The following STK32B variants were observed in gnomAD, a reference collection of about 807,000 sequenced individuals.
STK32B encodes serine/threonine-protein kinase 32B.
Under a neutral mutation model 52.6 loss-of-function variants are expected in STK32B, and 43 were observed. The ratio of observed to expected loss-of-function variants is 0.82; its 90% CI spans 0.64 to 1.05. The LOEUF (loss-of-function observed/expected upper bound fraction) is 1.05, where lower values mean the gene tolerates loss of function less well. STK32B is among the 50% of genes least tolerant of loss of function. The probability of loss-of-function intolerance (pLI) is 0.00; values close to 1 mark genes in which losing one functional copy is unlikely to be tolerated. For missense variants in STK32B, 621 were observed against 534.6 expected, an observed-to-expected ratio of 1.16 and a Z score of -1.59; for synonymous variants, 238 against 204.3, an observed-to-expected ratio of 1.17 and a Z score of -1.41.
At chr4:5,045,067 C>T in the STK32B span, among the ~76,000 whole-genome samples, 1 of 152,238 alleles carries the variant, frequency 6.6e-6, no homozygotes, top group Non-Finnish European at 1.5e-5. Flanking sequence ...TGCCTTGCCT[C>T]AGTCTACTCT....
At chr4:5,424,648 A>G (rs923646449) in intron 6 of STK32B, among the ~76,000 whole-genome samples, 5 of 152,218 alleles carry the variant, frequency 3.3e-5, no homozygotes, top group Non-Finnish European at 7.3e-5. Flanking sequence ...TGAGAGCTGT[A>G]CTGTAGCTCA....
At chr4:5,206,156 T>A (rs1414681192) in intron 3 of STK32B, among the ~76,000 whole-genome samples, 9 of 152,166 alleles carry the variant, frequency 5.9e-5, no homozygotes, top group Admixed American at 5.9e-4. Context: ...CATAGTCAAA[T>A]ATCTTTCTAT....
intron 4 of STK32B, among the ~76,000 whole-genome samples, chr4:5,381,617 C>G (rs1735938441): frequency 6.6e-6 from 1 of 152,220 alleles, no homozygotes; most frequent in African/African-American, 2.4e-5. Flanking sequence ...CTGTTTACTT[C>G]TTGCCTTCGC....
At chr4:5,235,817 T>C (rs953925343) in intron 3 of STK32B, among the ~76,000 whole-genome samples, 1 of 152,154 alleles carries the variant, frequency 6.6e-6, no homozygotes, top group Non-Finnish European at 1.5e-5. Flanking sequence ...TTTCTCCTCC[T>C]GAAAGTGGGG....
chr4:5,064,245 A>G (rs1300565398), intron 1 of STK32B, among the ~76,000 whole-genome samples: 2 of 128,644 alleles, frequency 1.6e-5, no homozygotes, highest in Non-Finnish European at 3.5e-5. Flanking sequence ...TTTATACACA[A>G]TATATAATAT....
At chr4:5,255,967 CAG>C (rs1726266666) in intron 3 of STK32B, among the ~76,000 whole-genome samples, 1 of 152,132 alleles carries the variant, frequency 6.6e-6, no homozygotes, top group African/African-American at 2.4e-5. Flanking sequence ...GTGACACACA[CAG>C]AGCCCGTAGC....
intron 1 of STK32B, among the ~76,000 whole-genome samples, chr4:5,128,810 A>G (rs73089694): frequency 0.025 from 3,741 of 152,306 alleles, 155 homozygotes; most frequent in African/African-American, 0.083. Context: ...GGCTCAGGAT[A>G]TGAATGTGAA....
intron 6 of STK32B, among the ~76,000 whole-genome samples, chr4:5,439,024 C>A (rs1469116375): frequency 6.6e-6 from 1 of 151,258 alleles, no homozygotes; most frequent in South Asian, 2.1e-4. Flanking sequence ...TGGGTTGGTT[C>A]CAAGTCTTTG....
At chr4:5,484,465 T>C (rs1196565205) in intron 11 of STK32B, among the ~76,000 whole-genome samples, 1 of 152,176 alleles carries the variant, frequency 6.6e-6, no homozygotes, top group African/African-American at 2.4e-5. Flanking sequence ...ATCCCTTTAT[T>C]TTGAGCCTAT....
At chr4:5,175,799 T>C (rs552558123) in intron 3 of STK32B, among the ~76,000 whole-genome samples, 1 of 152,340 alleles carries the variant, frequency 6.6e-6, no homozygotes, top group Admixed American at 6.5e-5. Context: ...TCCAGCTGCA[T>C]GCTGGGAGAA....
the STK32B span, among the ~76,000 whole-genome samples, chr4:5,041,479 T>C: frequency 1.3e-5 from 2 of 152,338 alleles, no homozygotes; most frequent in South Asian, 2.1e-4. Flanking sequence ...GGAGCTACTA[T>C]GCAAATTATT....
chr4:5,348,640 T>C (rs892487689), intron 4 of STK32B, among the ~76,000 whole-genome samples: 3 of 152,148 alleles, frequency 2.0e-5, no homozygotes, highest in Admixed American at 2.0e-4. Context: ...CTGCTGCCGC[T>C]AACAGCATCC....
At position 5,355,776 on chromosome 4, in the gene STK32B, A is replaced by G. The variant is rs538478289; in HGVS notation, c.434+24383A>G. 2.0e-5 allele frequency among the ~76,000 whole-genome samples: 3 copies of G among 152,324 alleles called. No homozygotes were observed. In the South Asian group the frequency reaches 6.2e-4, roughly 32 times the overall value. The stretch of plus-strand genomic sequence containing the variant: ...GGAGGAGAATCACTACATTAAGAAG[A>G]TATGATACCTGAATCCTTCCCTGAA... On this transcript the variant is annotated intron_variant, in intron 4 of 11. Transcript: ENST00000282908.
intron 4 of STK32B, among the ~76,000 whole-genome samples, chr4:5,348,904 T>A (rs1002449336): frequency 2.0e-5 from 3 of 151,872 alleles, no homozygotes; most frequent in African/African-American, 7.3e-5. Flanking sequence ...CCTTCCAGAG[T>A]CTGAGGTCAG....
chr4:5,475,718 G>A (rs1438786369), intron 11 of STK32B, among the ~76,000 whole-genome samples: 6 of 149,348 alleles, frequency 4.0e-5, no homozygotes, highest in African/African-American at 9.9e-5. Context: ...AAGTGTGACC[G>A]ATTCTGACAA....
rs74596853 is a variant in STK32B, at chr4:5,283,164, T to G, written c.261-48056T>G. ...TAGATTCCACATATAAGTGAGATCG[T>G]GTGGTATTTCCCTCCCTGTGCCTGG... On this transcript the variant is annotated intron_variant, in intron 3 of 11. Transcript: ENST00000282908. Among the ~76,000 whole-genome samples, 689 of 152,236 alleles carry G rather than the reference T, an allele frequency of 4.5e-3. 15 individuals are homozygous for G. Among genetic ancestry groups the G allele is most frequent in the African/African-American group, 0.016 (664 of 41,552 alleles).
In STK32B at chr4:5,500,112, G is replaced by C. The variant is rs1490423354; in HGVS notation, c.*1029G>C. On this transcript the variant is annotated 3_prime_UTR_variant, in exon 12 of 12. Transcript: ENST00000282908. ...CAAAAAGCAAACTACATTCTGGTCTGCTCAGGGAGAAGCTTGCCTTTGAAC... is the reference window on the plus strand; with the variant it reads ...CAAAAAGCAAACTACATTCTGGTCTCCTCAGGGAGAAGCTTGCCTTTGAAC... The C allele has an allele frequency of 6.6e-6, 1 of 152,216 alleles. No individual in the cohort carries two copies. Among genetic ancestry groups the C allele is most frequent in the Non-Finnish European group, 1.5e-5 (1 of 68,046 alleles). 9.4% of individuals were successfully genotyped at this position (152,216 alleles called of 1,614,324 possible).
chr4:5,364,241 C>A (rs1412165480), intron 4 of STK32B, among the ~76,000 whole-genome samples: 1 of 152,074 alleles, frequency 6.6e-6, no homozygotes, highest in Non-Finnish European at 1.5e-5. Flanking sequence ...CACAAAAATT[C>A]AGAATGATAG....
At chr4:5,468,631 C>G (rs1717619177) in intron 11 of STK32B, among the ~76,000 whole-genome samples, 1 of 152,130 alleles carries the variant, frequency 6.6e-6, no homozygotes, top group African/African-American at 2.4e-5. Flanking sequence ...GCTGGAACCT[C>G]AGCAGCCTGG....
Sources: gnomAD v4.1 joint callset for allele counts (sites outside exome capture counted in the v4.1 genomes callset) on GRCh38, gnomAD v4.1.1 for gene constraint, MANE v1.5 for transcripts, NCBI Gene and HGNC (gene_info 2026-07-23, HGNC 2026-07-21) for gene names.